Variants in KIFC3 observed in about 807,000 individuals in gnomAD.
The protein encoded by KIFC3 is kinesin family member C3.
Under a neutral mutation model 101.8 loss-of-function variants are expected in KIFC3, and 60 were observed. That is an observed-to-expected ratio of 0.59 (90% CI 0.48 to 0.73). The LOEUF is 0.73. KIFC3 is among the 30% of genes least tolerant of loss of function. KIFC3 has a pLI of 0.00. For missense variants in KIFC3, 966 were observed against 1,137.1 expected (o/e 0.85, Z 2.16); for synonymous variants, 476 against 482.7 (o/e 0.99, Z 0.18).
upstream of KIFC3, among the ~76,000 whole-genome samples, chr16:57,806,904 C>A (rs1467459765): frequency 3.3e-5 from 5 of 152,204 alleles, no homozygotes; most frequent in Non-Finnish European, 7.3e-5. Context: ...TGAAATCATT[C>A]ATCATGAGCA....
chr16:57,830,236 C>CTTTTTTTTTTTT (rs34842791), intron 1 of KIFC3, among the ~76,000 whole-genome samples: 50 of 119,302 alleles, frequency 4.2e-4, no homozygotes, highest in Non-Finnish European at 6.7e-4. Context: ...TTTTTTCTTT[C>CTTTTTTTTTTTT]TTTTTTTTTT....
chr16:57,770,466 T>G, intron 7 of KIFC3, 61 bp downstream of exon 7: 1 of 1,328,050 alleles, frequency 7.5e-7, no homozygotes, highest in Non-Finnish European at 9.7e-7. Context: ...ACCGATGCAT[T>G]GGCCCAAGGG....
intron 1 of KIFC3, among the ~76,000 whole-genome samples, chr16:57,822,870 T>C (rs2055380502): frequency 6.6e-6 from 1 of 152,140 alleles, no homozygotes. Context: ...AGTCTGTAGA[T>C]TATTAGGTAG....
At chr16:57,775,407 G>A in intron 3 of KIFC3, 2 of 1,046,584 alleles carry the variant, frequency 1.9e-6, no homozygotes, top group Non-Finnish European at 2.3e-6. Flanking sequence ...GCAGGTGGTT[G>A]GCCAGCTCTA....
intron 1 of KIFC3, among the ~76,000 whole-genome samples, chr16:57,857,979 G>T (rs574826157): frequency 6.6e-6 from 1 of 151,362 alleles, no homozygotes; most frequent in Non-Finnish European, 1.5e-5. Flanking sequence ...CACCCCACCC[G>T]ACTAATTTTT....
chr16:57,759,477 C>T, intron 18 of KIFC3: 1 of 578,550 alleles, frequency 1.7e-6, no homozygotes, highest in Non-Finnish European at 3.1e-6. Flanking sequence ...GTCAGCACCC[C>T]CGGCTGAGAG....
chr16:57,767,952 A>G (rs1054628092), intron 9 of KIFC3, among the ~76,000 whole-genome samples: 1 of 152,138 alleles, frequency 6.6e-6, no homozygotes, highest in Non-Finnish European at 1.5e-5. Flanking sequence ...TTGGGATTAC[A>G]GGTGTGAGCC....
intron 3 of KIFC3, among the ~76,000 whole-genome samples, chr16:57,790,611 T>C (rs1555619968): frequency 6.6e-6 from 1 of 152,168 alleles, no homozygotes; most frequent in Non-Finnish European, 1.5e-5. Flanking sequence ...CTTACCTTCT[T>C]GAAGCTGCAT....
chr16:57,759,140 C>A lies in KIFC3; in HGVS notation c.*9G>T. On this transcript the variant is annotated 3_prime_UTR_variant, in exon 19 of 20. Coordinates refer to ENST00000445690, the MANE Select transcript of KIFC3 (RefSeq NM_001130100.2). Reference sequence around the variant, plus strand: ...CCACACTCACCTAGAGACTCTGCAGCCCCAGCCGTCAGGCTGAAATCAAAG... The same window carrying A: ...CCACACTCACCTAGAGACTCTGCAGACCCAGCCGTCAGGCTGAAATCAAAG... The A allele has an allele frequency of 6.4e-7, 1 of 1,550,818 alleles. No individual in the cohort carries two copies. The highest frequency in any genetic ancestry group is 8.7e-7 in the Non-Finnish European group (1 of 1,146,968).
chr16:57,854,629 GAA>G lies in KIFC3; in HGVS notation c.108+8098_108+8099del, dbSNP rs59106449. ...GGTGACAGAGCAAGACTCCGTCTCA[GAA>G]AAAAAAAAAAAAAGAAAGAAAGAAA... On this transcript the variant is annotated intron_variant, in intron 1 of 2. Coordinates refer to the KIFC3 transcript ENST00000563028. Among the ~76,000 whole-genome samples the G allele has an allele frequency of 8.5e-4, 112 of 131,206 alleles. 1 individual carries two copies. Among genetic ancestry groups the G allele is most frequent in the South Asian group, 6.3e-3 (26 of 4,160 alleles). The allele number at this position is 131,206 out of a possible 152,430, so 86.1% of individuals were successfully genotyped here.
intron 1 of KIFC3, among the ~76,000 whole-genome samples, chr16:57,801,878 G>A (rs1484884625): frequency 1.3e-5 from 2 of 152,232 alleles, no homozygotes; most frequent in South Asian, 2.1e-4. Flanking sequence ...CTCACTGCCC[G>A]GAGGGCACCG....
At chr16:57,787,092 G>C (rs1048122748) in intron 3 of KIFC3, among the ~76,000 whole-genome samples, 1 of 152,268 alleles carries the variant, frequency 6.6e-6, no homozygotes, top group Non-Finnish European at 1.5e-5. Flanking sequence ...TCTAGAGTGA[G>C]TGAGATCAGA....
chr16:57,769,665 T>C lies in KIFC3; in HGVS notation c.1148A>G (p.Asn383Ser), dbSNP rs782153802. 15 of 1,611,910 alleles carry C rather than the reference T, an allele frequency of 9.3e-6. No individual in the cohort carries two copies. The highest frequency in any genetic ancestry group is 5.3e-5 in the African/African-American group (4 of 74,856). ...GCCGCGCACCTGCCGCTTGAGCCCA[T>C]TGTAGTCGTTGGTGAGGGTCCGCAG... Reference protein sequence around the residue: ...PALRTLTNDYNGLKRQVRGFP... With the variant: ...PALRTLTNDYSGLKRQVRGFP... Residue 383 changes from asparagine (N) to serine (S), a missense_variant, in exon 9 of 20, where the codon AAT becomes AGT. Physicochemically the swap from Asn to Ser is conservative, Grantham distance 46 (BLOSUM62 1). Around this residue, in one of 2 missense-constraint regions of KIFC3, gnomAD observed 689 missense variants for 884.6 expected, o/e 0.78. Coordinates refer to ENST00000445690, the MANE Select transcript of KIFC3 (RefSeq NM_001130100.2). The surrounding 1 kb of genome is among the most constrained non-coding windows in gnomAD (Gnocchi z 4.3).
chr16:57,809,401 T>C lies in KIFC3; in HGVS notation c.109-11119A>G, dbSNP rs2055014027. Among the ~76,000 whole-genome samples the C allele has an allele frequency of 2.6e-5, 4 of 152,154 alleles. No individual in the cohort carries two copies. In the South Asian group the frequency reaches 8.3e-4, roughly 31 times the overall value. On this transcript the variant is annotated intron_variant, in intron 1 of 2. Coordinates refer to the KIFC3 transcript ENST00000563028. Reference sequence around the variant, plus strand: ...GCCTTAAACTCCTGAGTTGAAGCAGTCCTCCCACCTCAGCCTCCCGTGTAC... The same window carrying C: ...GCCTTAAACTCCTGAGTTGAAGCAGCCCTCCCACCTCAGCCTCCCGTGTAC...
intron 1 of KIFC3, among the ~76,000 whole-genome samples, chr16:57,818,925 C>T (rs1568084336): frequency 6.6e-6 from 1 of 152,222 alleles, no homozygotes; most frequent in Non-Finnish European, 1.5e-5. Context: ...GCAGCAAGGC[C>T]AGCTATTTGA....
rs532815433 is a variant in KIFC3 at position 57,809,106 on chromosome 16, T to C, written c.109-10824A>G. Among the ~76,000 whole-genome samples, 35 of 152,310 alleles carry C rather than the reference T, an allele frequency of 2.3e-4. No individual in the cohort carries two copies. In the South Asian group the frequency reaches 7.0e-3, roughly 31 times the overall value. The stretch of plus-strand genomic sequence containing the variant: ...CAGGAGTTGGTCAGCCTGGCCAACA[T>C]AGCAAGACTCCCATCTCTAAATTTT... On this transcript the variant is annotated intron_variant, in intron 1 of 2. Transcript: ENST00000563028.
chr16:57,776,307 G>T, intron 3 of KIFC3: 2 of 985,480 alleles, frequency 2.0e-6, no homozygotes, highest in Non-Finnish European at 2.4e-6. Context: ...GCCCACAGAA[G>T]GCCTGATCCT....
intron 3 of KIFC3, chr16:57,776,093 C>T: frequency 2.0e-6 from 2 of 985,510 alleles, no homozygotes; most frequent in South Asian, 4.7e-5. Context: ...CGGCCTCTTA[C>T]CATCACAGAA....
chr16:57,759,184 T>C (rs1555592965), intron 18 of KIFC3, 31 bp from the exon 19 acceptor site: 3 of 1,550,884 alleles, frequency 1.9e-6, no homozygotes, highest in Non-Finnish European at 2.6e-6. Context: ...GTCTCACTGG[T>C]GGGCTTGCCT....
Sources: allele counts gnomAD v4.1 joint callset (sites outside exome capture counted in the v4.1 genomes callset), GRCh38; gene constraint gnomAD v4.1.1; regional missense constraint gnomAD v4.1.1; non-coding constraint Gnocchi (gnomAD v3.1); transcripts MANE v1.5; gene names NCBI Gene and HGNC (gene_info 2026-07-23, HGNC 2026-07-21).